Variants in ALK observed in about 807,000 individuals in gnomAD.
ALK encodes the protein ALK receptor tyrosine kinase, also known as ALK tyrosine kinase receptor.
Under a neutral mutation model 163.1 loss-of-function variants are expected in ALK, and 74 were observed. That is an observed-to-expected ratio of 0.45 (90% confidence interval 0.38 to 0.55). The LOEUF (loss-of-function observed/expected upper bound fraction) is 0.55. Ranked by LOEUF, ALK falls within the 20% of genes least tolerant of loss-of-function variation. The probability of loss-of-function intolerance (pLI) is 0.00; values close to 1 mark genes in which losing one functional copy is unlikely to be tolerated. For missense variants in ALK, 2,063 were observed against 2,105.3 expected, an observed-to-expected ratio of 0.98 and a Z score of 0.39; for synonymous variants, 960 against 843.2, an observed-to-expected ratio of 1.14 and a Z score of -2.40.
chr2:29,612,741 AT>A (rs1004034663), intron 3 of ALK, among the ~76,000 whole-genome samples: 5 of 152,198 alleles, frequency 3.3e-5, no homozygotes, highest in African/African-American at 9.6e-5. Flanking sequence ...GGATGGGAAA[AT>A]GGGAGCTTCA....
chr2:29,783,834 A>G (rs1448192513), intron 1 of ALK, among the ~76,000 whole-genome samples: 5 of 152,114 alleles, frequency 3.3e-5, no homozygotes, highest in Non-Finnish European at 5.9e-5. Flanking sequence ...ACCCCCAGGG[A>G]CAAAGTGTTG....
chr2:29,444,666 A>G (rs1670627712), intron 4 of ALK, among the ~76,000 whole-genome samples: 1 of 152,272 alleles, frequency 6.6e-6, no homozygotes, highest in African/African-American at 2.4e-5. Flanking sequence ...TACAAAGTAT[A>G]TTAATGTCAT....
rs193209937 is a variant in ALK, at chr2:29,796,791, C to T, written c.668-79094G>A. On this transcript the variant is annotated intron_variant, in intron 1 of 28. Transcript: ENST00000389048. Reference sequence around the variant, plus strand: ...AGAAGCTCCGGTGTGGGGTGGGGCACGGGGTATGACAATGGGGAGAGGAGG... The same window carrying T: ...AGAAGCTCCGGTGTGGGGTGGGGCATGGGGTATGACAATGGGGAGAGGAGG... Among the ~76,000 whole-genome samples, 10 of 151,932 alleles carry T rather than the reference C, an allele frequency of 6.6e-5. No individual in the cohort carries two copies. In the East Asian group the frequency reaches 7.7e-4, roughly 12 times the overall value.
chr2:29,515,407 C>G (rs935972471), intron 4 of ALK, among the ~76,000 whole-genome samples: 2 of 152,292 alleles, frequency 1.3e-5, no homozygotes, highest in South Asian at 2.1e-4. Flanking sequence ...TTTTCACCAT[C>G]TAGCTAATTT....
chr2:29,764,832 T>G (rs1680811289), intron 1 of ALK, among the ~76,000 whole-genome samples: 1 of 152,218 alleles, frequency 6.6e-6, no homozygotes, highest in African/African-American at 2.4e-5. Flanking sequence ...TTGATATGAT[T>G]TGGATTTGTG....
intron 3 of ALK, among the ~76,000 whole-genome samples, chr2:29,590,930 G>C (rs1396412012): frequency 6.6e-6 from 1 of 151,070 alleles, no homozygotes; most frequent in African/African-American, 2.5e-5. Context: ...AATTAGCCGG[G>C]CGTGTTGGCG....
chr2:29,667,930 A>G (rs1338877552), intron 3 of ALK, among the ~76,000 whole-genome samples: 1 of 152,010 alleles, frequency 6.6e-6, no homozygotes, highest in Non-Finnish European at 1.5e-5. Context: ...CTTTTCTTTG[A>G]AAGGAGAGTT....
intron 1 of ALK, among the ~76,000 whole-genome samples, chr2:29,876,631 G>A (rs921333941): frequency 1.1e-4 from 16 of 151,148 alleles, no homozygotes; most frequent in Admixed American, 1.1e-3. Context: ...GGTGGTGATG[G>A]CGGTGATGGT....
At chr2:29,416,293 T>G (rs1014455134) in intron 4 of ALK, among the ~76,000 whole-genome samples, 2 of 152,208 alleles carry the variant, frequency 1.3e-5, no homozygotes, top group South Asian at 2.1e-4. Context: ...AATACTTGTA[T>G]GCAAATTCAA....
intron 3 of ALK, among the ~76,000 whole-genome samples, chr2:29,626,335 A>G (rs1676193304): frequency 1.3e-5 from 2 of 152,042 alleles, no homozygotes; most frequent in Admixed American, 6.5e-5. Flanking sequence ...TTTCCCCCAT[A>G]TTGTTCTCGT....
intron 5 of ALK, among the ~76,000 whole-genome samples, chr2:29,379,075 T>C (rs941347855): frequency 3.9e-5 from 6 of 152,188 alleles, no homozygotes; most frequent in Admixed American, 2.0e-4. Flanking sequence ...TATGTGTTGC[T>C]GTAGGCACCT....
At chr2:29,271,390 C>T (rs985219250) in intron 11 of ALK, among the ~76,000 whole-genome samples, 3 of 152,176 alleles carry the variant, frequency 2.0e-5, no homozygotes, top group African/African-American at 2.4e-5. Flanking sequence ...GAATCAGGAG[C>T]GTGTGTGAAA....
intron 4 of ALK, among the ~76,000 whole-genome samples, chr2:29,410,938 G>A (rs1669710518): frequency 6.6e-6 from 1 of 152,138 alleles, no homozygotes; most frequent in Admixed American, 6.6e-5. Context: ...CTGTAACTTT[G>A]TTACTTTATA....
intron 1 of ALK, among the ~76,000 whole-genome samples, chr2:29,897,476 T>C (rs965834927): frequency 6.6e-6 from 1 of 152,056 alleles, no homozygotes; most frequent in African/African-American, 2.4e-5. Flanking sequence ...AAGGGTGCAT[T>C]TGTTCTGTTA....
intron 4 of ALK, among the ~76,000 whole-genome samples, chr2:29,399,363 A>C (rs1289594391): frequency 6.6e-6 from 1 of 152,196 alleles, no homozygotes; most frequent in African/African-American, 2.4e-5. Flanking sequence ...CCCTCAGCTC[A>C]GTACACTCTT....
At chr2:29,546,308 C>CA (rs896411073) in intron 3 of ALK, among the ~76,000 whole-genome samples, 2 of 151,458 alleles carry the variant, frequency 1.3e-5, no homozygotes, top group East Asian at 3.9e-4. Flanking sequence ...GGGGTGTCAG[C>CA]AAAAAAAGAT....
chr2:29,291,089 G>A (rs1363482501), intron 9 of ALK, among the ~76,000 whole-genome samples: 1 of 152,206 alleles, frequency 6.6e-6, no homozygotes, highest in Non-Finnish European at 1.5e-5. Context: ...TTGACCAGGT[G>A]CGATGGCTCC....
chr2:29,291,501 A>G (rs1666021693), intron 9 of ALK, among the ~76,000 whole-genome samples: 1 of 152,340 alleles, frequency 6.6e-6, no homozygotes, highest in Middle Eastern at 3.4e-3. Flanking sequence ...AGGGAAAATT[A>G]TTTAACCTCC....
intron 4 of ALK, among the ~76,000 whole-genome samples, chr2:29,424,069 G>T (rs371197349): frequency 6.6e-6 from 1 of 151,986 alleles, no homozygotes; most frequent in Non-Finnish European, 1.5e-5. Flanking sequence ...ATAAATTCAC[G>T]TTACATGGGT....
Sources: allele counts gnomAD v4.1 joint callset (sites outside exome capture counted in the v4.1 genomes callset), GRCh38; gene constraint gnomAD v4.1.1; transcripts MANE v1.5; gene names NCBI Gene and HGNC (gene_info 2026-07-23, HGNC 2026-07-21).